Variants in ADGRV1 observed in about 807,000 individuals in gnomAD.
The protein encoded by ADGRV1 is adhesion G protein-coupled receptor V1.
Under a neutral mutation model 596.2 loss-of-function variants are expected in ADGRV1, and 359 were observed. That is an observed-to-expected ratio of 0.60 (90% CI 0.55 to 0.66). ADGRV1 has a LOEUF of 0.66. Ranked by LOEUF, ADGRV1 falls within the 30% of genes least tolerant of loss-of-function variation. The pLI, the probability that ADGRV1 is intolerant of heterozygous loss-of-function variation, is 0.00. For synonymous variants in ADGRV1, 2,681 were observed against 2,679.2 expected (o/e 1.00, Z -0.02); for missense variants, 7,274 against 7,575.6 (o/e 0.96, Z 1.48).
chr5:91,060,011 T>C (rs560547611), intron 85 of ADGRV1, among the ~76,000 whole-genome samples: 33 of 152,202 alleles, frequency 2.2e-4, no homozygotes, highest in South Asian at 1.9e-3. Context: ...CCAACGTCCT[T>C]ACATATTTAT....
intron 83 of ADGRV1, among the ~76,000 whole-genome samples, chr5:90,947,670 A>G (rs1421253609): frequency 6.6e-6 from 1 of 152,182 alleles, no homozygotes; most frequent in East Asian, 1.9e-4. Context: ...GGAGGAAGAG[A>G]AAGCAGGTCC....
intron 83 of ADGRV1, among the ~76,000 whole-genome samples, chr5:90,868,291 A>G (rs768980764): frequency 6.6e-6 from 1 of 151,990 alleles, no homozygotes; most frequent in Non-Finnish European, 1.5e-5. Context: ...CCATTAATTA[A>G]TTTTTTTAGT....
At chr5:90,823,152 A>C (rs1482132362) in intron 75 of ADGRV1, among the ~76,000 whole-genome samples, 1 of 152,224 alleles carries the variant, frequency 6.6e-6, no homozygotes, top group Non-Finnish European at 1.5e-5. Flanking sequence ...TTGTTTTTAC[A>C]TTCCTTATAC....
Position 90,823,575 on chromosome 5 carries a change from C to T in ADGRV1, c.16347C>T (p.Ser5449=), listed in dbSNP as rs766516829. The change falls in exon 76 of 90, where the codon AGC becomes AGT. Residue 5449 remains serine, a synonymous_variant. Coordinates refer to ENST00000405460, the MANE Select transcript of ADGRV1 (RefSeq NM_032119.4). ...CTMGQTKCFI[S]IELKPEKVPQ... ...TGGGTCAAACAAAATGCTTTATCAG[C>T]ATTGAACTCAAACCAGAAAAGGTAA... 3 of 1,613,796 alleles carry T rather than the reference C, an allele frequency of 1.9e-6. No individual in the cohort carries two copies. The highest frequency in any genetic ancestry group is 2.2e-5 in the South Asian group (2 of 91,042).
rs190297032 is a variant in ADGRV1 at position 91,113,765 on chromosome 5, A to C, written c.18432+11425A>C. Among the ~76,000 whole-genome samples the C allele has an allele frequency of 4.4e-3, 669 of 152,132 alleles. 6 individuals carry two copies. Among genetic ancestry groups the C allele is most frequent in the Middle Eastern group, 3.4e-3 (1 of 294 alleles). ...GAAACCCCATCTCTACTAGAAATAT[A>C]AAAATTAACTAGGCATGCTGGCATG... On this transcript the variant is annotated intron_variant, in intron 87 of 89. Transcript: ENST00000405460.
At chr5:90,609,614 G>A (rs1762503250) in intron 1 of ADGRV1, among the ~76,000 whole-genome samples, 1 of 151,900 alleles carries the variant, frequency 6.6e-6, no homozygotes, top group South Asian at 2.1e-4. Context: ...AGCTTCTCTT[G>A]TTCCACAGGA....
At chr5:91,131,995 G>A (rs1439278527) in intron 87 of ADGRV1, among the ~76,000 whole-genome samples, 1 of 152,122 alleles carries the variant, frequency 6.6e-6, no homozygotes, top group Non-Finnish European at 1.5e-5. Context: ...TAGGAGTCCA[G>A]TTTCATTCTC....
At chr5:90,589,959 T>A (rs947010586) in intron 1 of ADGRV1, among the ~76,000 whole-genome samples, 3 of 152,208 alleles carry the variant, frequency 2.0e-5, no homozygotes, top group African/African-American at 7.2e-5. Context: ...CTTATATACA[T>A]AAATATATTT....
rs946216037 is a variant in ADGRV1 at position 90,745,031 on chromosome 5, C to G, written c.10550-15C>G. On this transcript the variant is annotated splice_polypyrimidine_tract_variant and intron_variant, in intron 50 of 89. Coordinates refer to ENST00000405460, the MANE Select transcript of ADGRV1 (RefSeq NM_032119.4). ...TTATATCTCACTCAAGTTGTTTTTTCTTTCCTTCCTGCAGCCCACATACTT... is the reference window on the plus strand; with the variant it reads ...TTATATCTCACTCAAGTTGTTTTTTGTTTCCTTCCTGCAGCCCACATACTT... The G allele has an allele frequency of 6.2e-7, 1 of 1,601,642 alleles. No homozygotes were observed. The highest frequency in any genetic ancestry group is 1.3e-5 in the African/African-American group (1 of 74,612).
At chr5:90,786,105 A>G (rs1207768914) in intron 67 of ADGRV1, among the ~76,000 whole-genome samples, 16 of 152,180 alleles carry the variant, frequency 1.1e-4, no homozygotes, top group Admixed American at 1.0e-3. Flanking sequence ...TTGCAGGGAC[A>G]TGGATGAAGC....
chr5:91,048,934 C>A (rs984500435), intron 85 of ADGRV1, among the ~76,000 whole-genome samples: 6 of 152,166 alleles, frequency 3.9e-5, no homozygotes, highest in Admixed American at 3.9e-4. Context: ...GTTACTTTGC[C>A]TACAATTCCA....
intron 29 of ADGRV1, among the ~76,000 whole-genome samples, 173 bp downstream of exon 29, chr5:90,686,168 G>A (rs1009184424): frequency 1.1e-4 from 16 of 149,964 alleles, no homozygotes; most frequent in Admixed American, 6.6e-5. Context: ...TTTTTGGGGG[G>A]GGGGATGGAG....
chr5:90,588,704 C>T (rs1466420991), intron 1 of ADGRV1, among the ~76,000 whole-genome samples: 1 of 152,188 alleles, frequency 6.6e-6, no homozygotes, highest in Non-Finnish European at 1.5e-5. Flanking sequence ...ACCATGTGCC[C>T]TCCCACTCAC....
In ADGRV1 at chr5:90,787,911, C is replaced by CA. The variant is rs540640580; in HGVS notation, c.13654-151dup. On this transcript the variant is annotated intron_variant, in intron 67 of 89. Transcript: ENST00000405460. The stretch of plus-strand genomic sequence containing the variant: ...CAGCTGCAAATATCATTATTTTTAA[C>CA]AAAAAAAAACAAGTTTATGAAACAG... Among the ~76,000 whole-genome samples, 179 of 148,548 alleles carry CA rather than the reference C, an allele frequency of 1.2e-3. 1 individual carries two copies. The highest frequency in any genetic ancestry group is 2.8e-3 in the South Asian group (13 of 4,690).
intron 83 of ADGRV1, among the ~76,000 whole-genome samples, chr5:90,956,013 C>A (rs879821118): frequency 2.0e-5 from 3 of 152,148 alleles, no homozygotes; most frequent in African/African-American, 7.2e-5. Flanking sequence ...AGTTAATAAA[C>A]ACTATTGTTA....
chr5:90,695,999 A>G (rs1245299103), intron 33 of ADGRV1, among the ~76,000 whole-genome samples: 2 of 152,204 alleles, frequency 1.3e-5, no homozygotes, highest in Non-Finnish European at 2.9e-5. Context: ...GCATCACACA[A>G]AATGGACTCT....
intron 83 of ADGRV1, among the ~76,000 whole-genome samples, chr5:90,898,629 A>G (rs757601556): frequency 1.2e-4 from 19 of 152,122 alleles, no homozygotes; most frequent in Non-Finnish European, 2.6e-4. Flanking sequence ...TTGATTTTCA[A>G]GCATGCTTGA....
At position 91,112,699 on chromosome 5, in the gene ADGRV1, A is replaced by AG. The variant is rs201557532; in HGVS notation, c.18432+10359_18432+10360insG. On this transcript the variant is annotated intron_variant, in intron 87 of 89. Transcript: ENST00000405460. ...GGGAGAATACATTTTTTAAAAAAAA[A>AG]CTTTATATGAATATTTTACACCAAC... Among the ~76,000 whole-genome samples, 359 of 152,256 alleles carry AG rather than the reference A, an allele frequency of 2.4e-3. 2 individuals carry two copies. Among genetic ancestry groups the AG allele is most frequent in the East Asian group, 0.016 (84 of 5,174 alleles).
chr5:90,667,779 T>C (rs1422179270), intron 21 of ADGRV1, among the ~76,000 whole-genome samples: 3 of 152,202 alleles, frequency 2.0e-5, no homozygotes, highest in Admixed American at 6.5e-5. Context: ...GATGTACAGA[T>C]GGGTTTTTGG....
Sources: gnomAD v4.1 joint callset for allele counts (sites outside exome capture counted in the v4.1 genomes callset) on GRCh38, gnomAD v4.1.1 for gene constraint, MANE v1.5 for transcripts, NCBI Gene and HGNC (gene_info 2026-07-23, HGNC 2026-07-21) for gene names.